ZNF236: variants seen among roughly 807,000 people sequenced by gnomAD.
ZNF236 encodes regulated by glucose.
A neutral mutation model predicts 191.2 loss-of-function variants in ZNF236; 50 were observed. The ratio of observed to expected loss-of-function variants is 0.26; its 90% CI spans 0.21 to 0.33. The LOEUF (loss-of-function observed/expected upper bound fraction) is 0.33, where lower values mean the gene tolerates loss of function less well. Among genes scored for constraint, ZNF236 ranks in the 10% least tolerant of loss-of-function variants. The pLI is 1.00. For synonymous variants in ZNF236, 907 were observed against 928.8 expected (o/e 0.98, Z 0.43); for missense variants, 1,754 against 2,374.5 (o/e 0.74, Z 5.43).
chr18:76,855,021 G>A (rs1410019632), intron 3 of ZNF236, among the ~76,000 whole-genome samples: 1 of 152,168 alleles, frequency 6.6e-6, no homozygotes, highest in Non-Finnish European at 1.5e-5. Flanking sequence ...TGCCTCCCAG[G>A]TTCAAGTGAT....
rs1014336657 is a variant in ZNF236, at chr18:76,971,739, A to G, written c.*3400A>G. Among the ~76,000 whole-genome samples, 2 of 152,250 alleles carry G rather than the reference A, an allele frequency of 1.3e-5. No homozygotes were observed. Among genetic ancestry groups the G allele is most frequent in the Admixed American group, 6.5e-5 (1 of 15,284 alleles). On this transcript the variant is annotated 3_prime_UTR_variant, in exon 31 of 31. Coordinates refer to ENST00000320610, the MANE Select transcript of ZNF236 (RefSeq NM_001306089.2). ...TTTTAACATGAAATGACCATCACAC[A>G]GATTTATGTTTGGAAATATTCAAGA...
Position 76,960,683 on chromosome 18 carries a change from G to A in ZNF236, c.5247G>A (p.Glu1749=). ...CATATGCCATTTTCTGTACAGGGGAGCGGCCGTTCCATTGCACGCTTTGTG... is the reference window on the plus strand; with the variant it reads ...CATATGCCATTTTCTGTACAGGGGAACGGCCGTTCCATTGCACGCTTTGTG... The part of the protein sequence containing the change: ...LERHSRIHTG[E]RPFHCTLCEK... Residue 1749 remains glutamate, a synonymous_variant, in exon 30 of 31, where the codon GAG becomes GAA. Coordinates refer to ENST00000320610, the MANE Select transcript of ZNF236 (RefSeq NM_001306089.2). This position sits in a 1 kb window ranked among gnomAD's most constrained non-coding sequence, Gnocchi z 4.4. The A allele has an allele frequency of 6.2e-7, 1 of 1,614,182 alleles. No individual in the cohort carries two copies. The highest frequency in any genetic ancestry group is 8.5e-7 in the Non-Finnish European group (1 of 1,180,036).
At chr18:76,959,943 A>G (rs1968620236) in intron 29 of ZNF236, 127 bp downstream of exon 29, 2 of 1,161,252 alleles carry the variant, frequency 1.7e-6, no homozygotes, top group South Asian at 3.5e-5. Context: ...CAAGGTCCAC[A>G]TGTTCCATTT....
At chr18:76,829,933 C>T (rs7237681) in intron 1 of ZNF236, among the ~76,000 whole-genome samples, 1,714 of 152,226 alleles carry the variant, frequency 0.011, 24 homozygotes, top group African/African-American at 0.039. Context: ...TTCAGTGGTG[C>T]GATCTCCACT....
At chr18:76,911,942 G>A (rs1173341735) in intron 16 of ZNF236, among the ~76,000 whole-genome samples, 2 of 152,206 alleles carry the variant, frequency 1.3e-5, no homozygotes, top group South Asian at 2.1e-4. Flanking sequence ...CTGTCAGTAA[G>A]AGTAGAGCAG....
chr18:76,947,557 C>T lies in ZNF236; in HGVS notation c.4819C>T (p.Leu1607Phe). 1 of 1,614,082 alleles carries T rather than the reference C, an allele frequency of 6.2e-7. No individual in the cohort carries two copies. The highest frequency in any genetic ancestry group is 8.5e-7 in the Non-Finnish European group (1 of 1,179,990). ...CCCAGCGCTCCTCACGGATCCCTCT[C>T]TCTCGGGCCAGGGTGGAGCAGGCTC... ...QFPALLTDPS[L>F]SGQGGAGSPQ... The change falls in exon 27 of 31, where the codon CTC becomes TTC. Residue 1607 changes from leucine (L) to phenylalanine (F), a missense_variant. This residue lies in a region of ZNF236 where 606 missense variants were observed against 761.5 expected (regional missense o/e 0.80). Coordinates refer to ENST00000320610, the MANE Select transcript of ZNF236 (RefSeq NM_001306089.2).
At position 76,875,216 on chromosome 18, in the gene ZNF236, C is replaced by T. The variant is rs367679342; in HGVS notation, c.668-276C>T. ...ATAAGGATGACTCCAAGGTTTTTTG[C>T]CTGATCCCCTGGAAGGATGGCATTG... On this transcript the variant is annotated intron_variant, in intron 5 of 30. Coordinates refer to ENST00000320610, the MANE Select transcript of ZNF236 (RefSeq NM_001306089.2). The surrounding 1 kb of genome is among the most constrained non-coding windows in gnomAD (Gnocchi z 4.3). 1.3e-4 allele frequency among the ~76,000 whole-genome samples: 20 copies of T among 151,058 alleles called. No individual in the cohort carries two copies. In the South Asian group the frequency reaches 4.2e-3, roughly 32 times the overall value.
intron 1 of ZNF236, among the ~76,000 whole-genome samples, chr18:76,844,913 C>T (rs1599323826): frequency 6.6e-6 from 1 of 152,232 alleles, no homozygotes; most frequent in East Asian, 1.9e-4. Flanking sequence ...TGAATACAGT[C>T]ATGGAATAGC....
At chr18:76,920,110 G>A in intron 20 of ZNF236, 52 bp downstream of exon 20, 10 of 1,559,224 alleles carry the variant, frequency 6.4e-6, no homozygotes, top group Non-Finnish European at 8.7e-6. Flanking sequence ...TGGAGGTGCA[G>A]GCAGCTGCTC....
chr18:76,941,543 C>T (rs900167698), intron 26 of ZNF236, among the ~76,000 whole-genome samples: 1 of 152,194 alleles, frequency 6.6e-6, no homozygotes, highest in African/African-American at 2.4e-5. Flanking sequence ...CAGGATGTGC[C>T]TGCAGCCACA....
rs1362243237 is a variant in ZNF236, at chr18:76,960,830, C to T, written c.5394C>T (p.His1798=). Residue 1798 remains histidine (H), a synonymous_variant, in exon 30 of 31, where the codon CAC becomes CAT. Coordinates refer to ENST00000320610, the MANE Select transcript of ZNF236 (RefSeq NM_001306089.2). The surrounding 1 kb of genome is among the most constrained non-coding windows in gnomAD (Gnocchi z 4.4). ...CGCAGAAGAGCAACATGAAGCTGCA[C>T]ATGAAGCGGGCGCACAGCTATGCTG... The part of the protein sequence containing the change: ...GFTQKSNMKL[H]MKRAHSYAGA... 26 of 1,613,514 alleles carry T rather than the reference C, an allele frequency of 1.6e-5. No individual in the cohort carries two copies. The highest frequency in any genetic ancestry group is 2.2e-5 in the East Asian group (1 of 44,872).
intron 26 of ZNF236, among the ~76,000 whole-genome samples, chr18:76,939,661 A>G (rs904656206): frequency 6.6e-6 from 1 of 152,078 alleles, no homozygotes; most frequent in Non-Finnish European, 1.5e-5. Context: ...TGTTGTTTTT[A>G]TATTTAAATG....
At chr18:76,870,397 G>T (rs1250867585) in intron 4 of ZNF236, among the ~76,000 whole-genome samples, 1 of 152,068 alleles carries the variant, frequency 6.6e-6, no homozygotes, top group Non-Finnish European at 1.5e-5. Context: ...AGGCATTTTT[G>T]ATGTTTCCTT....
At chr18:76,958,707 C>T (rs1312431255) in intron 28 of ZNF236, among the ~76,000 whole-genome samples, 2 of 152,178 alleles carry the variant, frequency 1.3e-5, no homozygotes, top group Admixed American at 1.3e-4. Context: ...GTGGTGGTGT[C>T]ACTGGTCAGG....
chr18:76,840,213 G>A lies in ZNF236; in HGVS notation c.56-9313G>A, dbSNP rs529604636. Among the ~76,000 whole-genome samples, 310 of 152,270 alleles carry A rather than the reference G, an allele frequency of 2.0e-3. 1 individual carries two copies. The highest frequency in any genetic ancestry group is 6.9e-3 in the African/African-American group (288 of 41,552). On this transcript the variant is annotated intron_variant, in intron 1 of 30. Coordinates refer to ENST00000320610, the MANE Select transcript of ZNF236 (RefSeq NM_001306089.2). ...GTTTCTTTAAAAAATGAGGGAGACC[G>A]GCCGGGTGCGGTGGCTCACGCCTGT...
intron 6 of ZNF236, among the ~76,000 whole-genome samples, chr18:76,876,012 G>T (rs1254258486): frequency 1.3e-5 from 2 of 152,130 alleles, no homozygotes; most frequent in Admixed American, 1.3e-4. Flanking sequence ...GAAATTAAAA[G>T]ATAAGAAATA....
intron 1 of ZNF236, among the ~76,000 whole-genome samples, chr18:76,833,514 T>C (rs1158586250): frequency 6.6e-6 from 1 of 152,214 alleles, no homozygotes; most frequent in Admixed American, 6.5e-5. Flanking sequence ...TTTCTAATGG[T>C]AAGCCAAACT....
At position 76,880,159 on chromosome 18, in the gene ZNF236, C is replaced by G. The variant is rs758094685; in HGVS notation, c.1031C>G (p.Ala344Gly). Residue 344 changes from alanine (A) to glycine (G), a missense_variant, in exon 8 of 31, where the codon GCC (alanine) becomes GGC (glycine). By Grantham distance (60) the Ala-to-Gly change is moderately conservative (BLOSUM62 0). Transcript: ENST00000320610. This position sits in a 1 kb window ranked among gnomAD's most constrained non-coding sequence, Gnocchi z 5.0. Reference sequence around the variant, plus strand: ...CCTCTTCAACAGACGGAAGCCCAAGCCACGTCGGCCTCAAGCCAGCCGAGC... The same window carrying G: ...CCTCTTCAACAGACGGAAGCCCAAGGCACGTCGGCCTCAAGCCAGCCGAGC... The part of the protein sequence containing the change: ...TLPLQQTEAQ[A>G]TSASSQPSSQ... 6.2e-7 allele frequency: 1 copy of G among 1,613,970 alleles called. No homozygotes were observed. The highest frequency in any genetic ancestry group is 8.5e-7 in the Non-Finnish European group (1 of 1,180,002).
At chr18:76,918,678 C>CCAATA (rs148549490) in intron 19 of ZNF236, among the ~76,000 whole-genome samples, 2,399 of 152,200 alleles carry the variant, frequency 0.016, 30 homozygotes, top group Middle Eastern at 0.02. Flanking sequence ...CCTTGGCCTC[C>CCAATA]CAATATGCTG....
Sources: allele counts gnomAD v4.1 joint callset (sites outside exome capture counted in the v4.1 genomes callset), GRCh38; gene constraint gnomAD v4.1.1; regional missense constraint gnomAD v4.1.1; non-coding constraint Gnocchi (gnomAD v3.1); transcripts MANE v1.5; gene names NCBI Gene and HGNC (gene_info 2026-07-23, HGNC 2026-07-21).